The following LHFPL2 variants were observed in gnomAD, a reference collection of about 807,000 sequenced individuals.
The protein encoded by LHFPL2 is LHFPL tetraspan subfamily member 2.
Under a neutral mutation model 17.5 loss-of-function variants are expected in LHFPL2, and 7 were observed. The observed-to-expected ratio is 0.40, with a 90% confidence interval of 0.23 to 0.75. The LOEUF (loss-of-function observed/expected upper bound fraction) is 0.75, where lower values mean the gene tolerates loss of function less well. Ranked by LOEUF, LHFPL2 falls within the 30% of genes least tolerant of loss-of-function variation. LHFPL2 has a pLI of 0.37. For synonymous variants in LHFPL2, 134 were observed against 116.2 expected (o/e 1.15, Z -0.99); for missense variants, 241 against 294.8 (o/e 0.82, Z 1.34).
chr5:78,523,122 G>A (rs892353942), intron 3 of LHFPL2, among the ~76,000 whole-genome samples: 3 of 151,946 alleles, frequency 2.0e-5, no homozygotes, highest in Non-Finnish European at 2.9e-5. Context: ...GTGTGTGTGT[G>A]TGTGTGTGTG....
At chr5:78,612,693 C>G (rs1166179307) in intron 2 of LHFPL2, among the ~76,000 whole-genome samples, 1 of 152,218 alleles carries the variant, frequency 6.6e-6, no homozygotes, top group African/African-American at 2.4e-5. Context: ...GCCCCAATCC[C>G]CAGAATCACT....
Position 78,513,573 on chromosome 5 carries a change from G to A in LHFPL2, c.-185-3175C>T, listed in dbSNP as rs58537592. Among the ~76,000 whole-genome samples, 3 of 151,926 alleles carry A rather than the reference G, an allele frequency of 2.0e-5. No individual in the cohort carries two copies. In the East Asian group the frequency reaches 5.8e-4, roughly 29 times the overall value. On this transcript the variant is annotated intron_variant, in intron 3 of 4. Transcript: ENST00000380345. The stretch of plus-strand genomic sequence containing the variant: ...GTGGTGATATGGTTTAGCTGTGTCC[G>A]CACCCAAATCTCATCTTGAATTGTA...
chr5:78,517,518 A>C (rs2112336038), intron 3 of LHFPL2, among the ~76,000 whole-genome samples: 1 of 152,292 alleles, frequency 6.6e-6, no homozygotes, highest in South Asian at 2.1e-4. Context: ...GGTTTAATGG[A>C]CTCACAGTTC....
Position 78,523,088 on chromosome 5 carries a change from C to T in LHFPL2, c.-185-12690G>A, listed in dbSNP as rs565878242. Among the ~76,000 whole-genome samples the T allele has an allele frequency of 2.4e-3, 360 of 148,298 alleles. 3 individuals carry two copies. The highest frequency in any genetic ancestry group is 8.5e-3 in the African/African-American group (339 of 39,702). On this transcript the variant is annotated intron_variant, in intron 3 of 4. Transcript: ENST00000380345. ...GAAGTGGCTGATAACCCTTTTCTGG[C>T]GTGTGCACGTGTGTGTGTCTGTGGT...
chr5:78,505,789 T>A (rs1252508691), intron 4 of LHFPL2, among the ~76,000 whole-genome samples: 1 of 152,258 alleles, frequency 6.6e-6, no homozygotes, highest in Non-Finnish European at 1.5e-5. Context: ...TAGCTACCAT[T>A]TATTATTTAC....
At chr5:78,630,141 A>G (rs1429303012) in intron 2 of LHFPL2, among the ~76,000 whole-genome samples, 1 of 152,176 alleles carries the variant, frequency 6.6e-6, no homozygotes, top group African/African-American at 2.4e-5. Flanking sequence ...GGTTTGACCT[A>G]CTTCATCATG....
chr5:78,646,041 A>G (rs1229913574), intron 1 of LHFPL2, among the ~76,000 whole-genome samples: 2 of 152,192 alleles, frequency 1.3e-5, no homozygotes, highest in African/African-American at 4.8e-5. Flanking sequence ...CTTTCTACCT[A>G]AAATAAAATT....
chr5:78,528,787 T>C (rs1393140119), intron 3 of LHFPL2, among the ~76,000 whole-genome samples: 4 of 152,180 alleles, frequency 2.6e-5, no homozygotes, highest in African/African-American at 9.7e-5. Flanking sequence ...AATGGCCATT[T>C]AAGTGTATCA....
At chr5:78,537,529 C>G (rs1231287504) in intron 3 of LHFPL2, among the ~76,000 whole-genome samples, 1 of 152,176 alleles carries the variant, frequency 6.6e-6, no homozygotes, top group Non-Finnish European at 1.5e-5. Context: ...GGCAAGGGAC[C>G]TGGAGAAGAG....
intron 2 of LHFPL2, among the ~76,000 whole-genome samples, chr5:78,621,557 C>T (rs1744854269): frequency 6.6e-6 from 1 of 152,212 alleles, no homozygotes; most frequent in South Asian, 2.1e-4. Context: ...CATTTAGAAA[C>T]TGTTGGGTTC....
chr5:78,518,945 C>T (rs569700220), intron 3 of LHFPL2, among the ~76,000 whole-genome samples: 9 of 152,306 alleles, frequency 5.9e-5, no homozygotes, highest in African/African-American at 2.2e-4. Context: ...AAGGCTGAGG[C>T]AGAAATGGCT....
intron 2 of LHFPL2, among the ~76,000 whole-genome samples, chr5:78,574,588 G>A (rs1757081744): frequency 6.6e-6 from 1 of 152,220 alleles, no homozygotes; most frequent in Admixed American, 6.5e-5. Flanking sequence ...AAAGTGATGG[G>A]ACATAATTTT....
chr5:78,624,669 A>G (rs1280942640), intron 2 of LHFPL2: 1 of 151,966 alleles, frequency 6.6e-6, no homozygotes, highest in East Asian at 1.9e-4. Context: ...AAATTTTAAA[A>G]CTCCCTTGTA....
At chr5:78,646,180 G>A (rs1745872147) in intron 1 of LHFPL2, among the ~76,000 whole-genome samples, 1 of 152,152 alleles carries the variant, frequency 6.6e-6, no homozygotes, top group African/African-American at 2.4e-5. Context: ...AAACTCCCTG[G>A]AAATGGAGGC....
rs535524144 is a variant in LHFPL2, at chr5:78,518,372, C to T, written c.-185-7974G>A. 5.3e-5 allele frequency among the ~76,000 whole-genome samples: 8 copies of T among 152,314 alleles called. No individual in the cohort carries two copies. The South Asian group carries it at 1.5e-3, about 28-fold the overall frequency. ...TCACCTGCGGTCAGGGATCAAGGTA[C>T]GCAGCGTTTTCCAACTTTCCCTAGT... On this transcript the variant is annotated intron_variant, in intron 3 of 4. Transcript: ENST00000380345.
intron 2 of LHFPL2, among the ~76,000 whole-genome samples, chr5:78,628,086 C>T (rs1395142998): frequency 2.6e-5 from 4 of 152,104 alleles, no homozygotes; most frequent in African/African-American, 9.7e-5. Flanking sequence ...CTGTGCCTCC[C>T]GGCCCCTCCC....
chr5:78,595,524 CT>C (rs973691519), intron 2 of LHFPL2, among the ~76,000 whole-genome samples: 2 of 152,164 alleles, frequency 1.3e-5, no homozygotes, highest in East Asian at 1.9e-4. Flanking sequence ...TCTTCCTTTC[CT>C]TTTTTTAGAC....
chr5:78,496,322 A>T (rs1754605355), intron 4 of LHFPL2, among the ~76,000 whole-genome samples: 1 of 152,238 alleles, frequency 6.6e-6, no homozygotes, highest in Non-Finnish European at 1.5e-5. Flanking sequence ...TTGCCTTAAC[A>T]TTCACTGATA....
In LHFPL2 at chr5:78,506,784, T is replaced by C. The variant is rs1457726510; in HGVS notation, c.430+3000A>G. On this transcript the variant is annotated intron_variant, in intron 4 of 4. Transcript: ENST00000380345. ...AAAGAAACCAGTTCTTTCCTGTATT[T>C]CAGCACTTAGTCTTAGATCAGTGGC... Among the ~76,000 whole-genome samples the C allele has an allele frequency of 2.6e-5, 4 of 152,222 alleles. No homozygotes were observed. The East Asian group carries it at 7.7e-4, about 29-fold the overall frequency.
Sources: allele counts gnomAD v4.1 joint callset (sites outside exome capture counted in the v4.1 genomes callset), GRCh38; gene constraint gnomAD v4.1.1; transcripts MANE v1.5; gene names NCBI Gene and HGNC (gene_info 2026-07-23, HGNC 2026-07-21).